FGGY: variants seen among roughly 807,000 people sequenced by gnomAD.
FGGY encodes FGGY carbohydrate kinase domain containing.
A neutral mutation model predicts 71.3 loss-of-function variants in FGGY; 72 were observed. The observed-to-expected ratio is 1.01, with a 90% CI of 0.84 to 1.23. The LOEUF (loss-of-function observed/expected upper bound fraction) is 1.23, where lower values mean the gene tolerates loss of function less well. FGGY is among the 50% of genes most tolerant of loss of function. FGGY has a pLI of 0.00. For missense variants in FGGY, 668 were observed against 682.3 expected (o/e 0.98, Z 0.23); for synonymous variants, 251 against 250.3 (o/e 1.00, Z -0.02).
intron 9 of FGGY, among the ~76,000 whole-genome samples, chr1:59,625,257 C>T (rs2096845020): frequency 6.6e-6 from 1 of 152,068 alleles, no homozygotes; most frequent in African/African-American, 2.4e-5. Flanking sequence ...CATGGAGAAA[C>T]ATTTCTGTCC....
At chr1:59,622,478 C>T (rs141322180) in intron 9 of FGGY, among the ~76,000 whole-genome samples, 160 of 152,212 alleles carry the variant, frequency 1.1e-3, no homozygotes, top group Admixed American at 3.0e-3. Flanking sequence ...TTTGGCTGAA[C>T]TCAAACTTCA....
chr1:59,700,331 A>T (rs1251454226), intron 14 of FGGY, among the ~76,000 whole-genome samples: 1 of 152,192 alleles, frequency 6.6e-6, no homozygotes, highest in Non-Finnish European at 1.5e-5. Flanking sequence ...GGCAAAGTTT[A>T]TTGATGTTTT....
At chr1:59,538,777 T>C (rs984418250) in intron 7 of FGGY, among the ~76,000 whole-genome samples, 1 of 143,928 alleles carries the variant, frequency 6.9e-6, no homozygotes, top group African/African-American at 2.6e-5. Context: ...TTCTCACTCA[T>C]AGGTGGGAAT....
intron 8 of FGGY, among the ~76,000 whole-genome samples, chr1:59,556,705 T>C (rs2095692006): frequency 6.6e-6 from 1 of 152,196 alleles, no homozygotes; most frequent in Admixed American, 6.5e-5. Flanking sequence ...TTGGGGATAA[T>C]GATGCCAGTC....
intron 1 of FGGY, among the ~76,000 whole-genome samples, chr1:59,311,602 A>G (rs572955634): frequency 1.3e-5 from 2 of 152,296 alleles, no homozygotes; most frequent in African/African-American, 2.4e-5. Context: ...GTAGTATTCT[A>G]TGGTATATAT....
Position 59,488,502 on chromosome 1 carries a change from T to TATATGTATTATGTATATATTATATATAA in FGGY, c.671-23781_671-23754dup, listed in dbSNP as rs1318534228. On this transcript the variant is annotated intron_variant, in intron 6 of 15. Transcript: ENST00000303721. ...ATGTATGTGTATATGTGTGTGTATA[T>TATATGTATTATGTATATATTATATATAA]ATATGTATTATGTATATATTATATA... 1.0e-4 allele frequency among the ~76,000 whole-genome samples: 15 copies of TATATGTATTATGTATATATTATATATAA among 147,312 alleles called. No individual in the cohort carries two copies. In the East Asian group the frequency reaches 1.4e-3, roughly 13 times the overall value.
At chr1:59,532,599 C>T (rs1018954902) in intron 7 of FGGY, among the ~76,000 whole-genome samples, 2 of 152,060 alleles carry the variant, frequency 1.3e-5, no homozygotes, top group Non-Finnish European at 2.9e-5. Flanking sequence ...TTTGATACAA[C>T]TTAGCACATA....
chr1:59,742,121 C>G (rs958688385), intron 14 of FGGY, among the ~76,000 whole-genome samples: 2 of 152,084 alleles, frequency 1.3e-5, no homozygotes, highest in East Asian at 1.9e-4. Flanking sequence ...AAGTAAAATC[C>G]CTTCTTCTGC....
chr1:59,377,992 T>C (rs1291078854), intron 4 of FGGY, among the ~76,000 whole-genome samples: 1 of 152,196 alleles, frequency 6.6e-6, no homozygotes, highest in East Asian at 1.9e-4. Flanking sequence ...CTATTGCCTT[T>C]GTAACCAGTT....
At chr1:59,533,647 C>T (rs879070318) in intron 7 of FGGY, among the ~76,000 whole-genome samples, 40 of 152,190 alleles carry the variant, frequency 2.6e-4, no homozygotes, top group Admixed American at 2.6e-3. Flanking sequence ...CAGCTGGAGA[C>T]CTGAGAACGG....
intron 13 of FGGY, among the ~76,000 whole-genome samples, chr1:59,669,931 T>G (rs1013522108): frequency 1.3e-5 from 2 of 151,924 alleles, no homozygotes; most frequent in Non-Finnish European, 2.9e-5. Context: ...CGGCGGGGAG[T>G]GCAGCGGCTT....
In FGGY at chr1:59,586,341, G is replaced by T. The variant is rs1325310860; in HGVS notation, c.904-21462G>T. On this transcript the variant is annotated intron_variant, in intron 8 of 15. Coordinates refer to ENST00000303721, the MANE Select transcript of FGGY (RefSeq NM_018291.5). ...AATACTATGCAGCCATAAAAAATGA[G>T]TTCATGTCCTTTGTAGGGACATGGA... is the stretch of plus-strand genomic sequence containing the variant. Among the ~76,000 whole-genome samples, 3 of 151,956 alleles carry T rather than the reference G, an allele frequency of 2.0e-5. No individual in the cohort carries two copies. In the South Asian group the frequency reaches 6.2e-4, roughly 31 times the overall value.
intron 7 of FGGY, among the ~76,000 whole-genome samples, chr1:59,518,903 T>C (rs920867472): frequency 1.3e-5 from 2 of 152,220 alleles, no homozygotes; most frequent in African/African-American, 4.8e-5. Flanking sequence ...AACACATCTA[T>C]GTTCATTATA....
At chr1:59,524,560 A>G (rs1360186351) in intron 7 of FGGY, among the ~76,000 whole-genome samples, 2 of 152,140 alleles carry the variant, frequency 1.3e-5, no homozygotes, top group Non-Finnish European at 2.9e-5. Context: ...GCCCGTAAAA[A>G]TCCCTGGACC....
intron 6 of FGGY, among the ~76,000 whole-genome samples, chr1:59,462,195 C>G (rs989930736): frequency 1.6e-4 from 25 of 152,180 alleles, no homozygotes; most frequent in African/African-American, 6.0e-4. Flanking sequence ...CTGAGAAAAA[C>G]AAGAAATGGG....
chr1:59,302,033 A>G (rs576498856), intron 1 of FGGY, among the ~76,000 whole-genome samples: 1 of 151,626 alleles, frequency 6.6e-6, no homozygotes, highest in Non-Finnish European at 1.5e-5. Flanking sequence ...CACTGCGCCC[A>G]GCTGATCATT....
intron 14 of FGGY, among the ~76,000 whole-genome samples, chr1:59,732,660 G>A (rs188901222): frequency 3.9e-5 from 6 of 151,970 alleles, no homozygotes; most frequent in African/African-American, 1.5e-4. Context: ...GGAAAGGGGG[G>A]CAAGAAAGGG....
intron 7 of FGGY, among the ~76,000 whole-genome samples, chr1:59,513,245 A>G (rs1298508905): frequency 1.3e-5 from 2 of 152,254 alleles, no homozygotes; most frequent in Non-Finnish European, 2.9e-5. Context: ...GGACATGACC[A>G]CTGAATTTGC....
chr1:59,507,684 A>AT (rs561953004), intron 6 of FGGY, among the ~76,000 whole-genome samples: 30,131 of 107,090 alleles, frequency 0.28, 4,133 homozygotes, highest in Non-Finnish European at 0.34. Context: ...TGCTTGGCTA[A>AT]TTTTTTTTTT....
Sources: allele counts gnomAD v4.1 joint callset (sites outside exome capture counted in the v4.1 genomes callset), GRCh38; gene constraint gnomAD v4.1.1; transcripts MANE v1.5; gene names NCBI Gene and HGNC (gene_info 2026-07-23, HGNC 2026-07-21).